Variants in KNL1 observed in about 807,000 individuals in gnomAD.
KNL1 encodes kinetochore scaffold 1.
Under a neutral mutation model 201.3 loss-of-function variants are expected in KNL1, and 66 were observed. That is an observed-to-expected ratio of 0.33 (90% confidence interval 0.27 to 0.40). The LOEUF is 0.40. Ranked by LOEUF, KNL1 falls within the 10% of genes least tolerant of loss-of-function variation. KNL1 has a pLI of 1.00. For synonymous variants in KNL1, 895 were observed against 899.2 expected (o/e 1.00, Z 0.08); for missense variants, 2,815 against 2,690.5 (o/e 1.05, Z -1.02).
At chr15:40,601,676 C>A (rs1891795093) in intron 1 of KNL1, among the ~76,000 whole-genome samples, 2 of 151,292 alleles carry the variant, frequency 1.3e-5, no homozygotes. Context: ...AAAAAATTAG[C>A]CGGGCGCGGT....
intron 1 of KNL1, among the ~76,000 whole-genome samples, chr15:40,600,013 C>T (rs144822818): frequency 2.0e-5 from 3 of 151,304 alleles, no homozygotes; most frequent in East Asian, 1.9e-4. Context: ...CCAACATGAC[C>T]GTGATATATT....
At chr15:40,610,835 T>C (rs1424636628) in intron 6 of KNL1, 1 of 455,092 alleles carries the variant, frequency 2.2e-6, no homozygotes, top group Admixed American at 2.4e-5. Context: ...CTGCAACTTC[T>C]GCCTCCTGGG....
At chr15:40,634,434 G>A (rs1344751735) in intron 13 of KNL1, among the ~76,000 whole-genome samples, 2 of 152,178 alleles carry the variant, frequency 1.3e-5, no homozygotes, top group African/African-American at 4.8e-5. Context: ...TCGTTTAATT[G>A]TATACTTAAA....
intron 13 of KNL1, among the ~76,000 whole-genome samples, chr15:40,632,116 T>G (rs1444440069): frequency 6.6e-6 from 1 of 151,208 alleles, no homozygotes; most frequent in Non-Finnish European, 1.5e-5. Flanking sequence ...CTGCGCACAG[T>G]GGCTGGTGTC....
intron 1 of KNL1, among the ~76,000 whole-genome samples, chr15:40,597,323 C>T (rs1326313791): frequency 6.6e-6 from 1 of 152,140 alleles, no homozygotes; most frequent in East Asian, 1.9e-4. Context: ...GGTGCCATCT[C>T]AGTTCACTGC....
intron 1 of KNL1, among the ~76,000 whole-genome samples, chr15:40,601,707 G>A (rs907675796): frequency 2.8e-4 from 42 of 151,084 alleles, no homozygotes; most frequent in African/African-American, 8.2e-4. Flanking sequence ...TGTAGTCCCA[G>A]CTACTCGGGA....
intron 7 of KNL1, among the ~76,000 whole-genome samples, chr15:40,614,095 GC>G (rs1457154935): frequency 7.5e-6 from 1 of 133,108 alleles, no homozygotes; most frequent in African/African-American, 2.8e-5. Flanking sequence ...ACCACGCCTG[GC>G]CCCCCTTTTT....
intron 1 of KNL1, among the ~76,000 whole-genome samples, chr15:40,598,476 TGAG>T: frequency 6.6e-6 from 1 of 151,928 alleles, no homozygotes; most frequent in South Asian, 2.1e-4. Flanking sequence ...TCAAGAGGCT[TGAG>T]GATTACTTGA....
At chr15:40,638,781 C>T (rs1893133574) in intron 13 of KNL1, among the ~76,000 whole-genome samples, 1 of 151,752 alleles carries the variant, frequency 6.6e-6, no homozygotes, top group African/African-American at 2.4e-5. Flanking sequence ...GCGTGAGCCA[C>T]CGCGCTGGCT....
At chr15:40,650,657 G>T in intron 19 of KNL1, 74 bp downstream of exon 19, 1 of 1,330,040 alleles carries the variant, frequency 7.5e-7, no homozygotes, top group Non-Finnish European at 1.0e-6. Context: ...TGCCTCCAGA[G>T]ACTGACAGGA....
Position 40,624,197 on chromosome 15 carries a change from T to C in KNL1, c.3933T>C (p.Cys1311=). Residue 1311 remains cysteine, a synonymous_variant, in exon 10 of 26, where the codon TGT becomes TGC. Transcript: ENST00000399668. The part of the protein sequence containing the change: ...NYSCLPNVIS[C]TDNLEGSAML... ...CCTGTTTACCAAATGTTATTTCCTG[T>C]ACTGATAATTTGGAGGGTAGTGCCA... The C allele has an allele frequency of 6.2e-7, 1 of 1,613,960 alleles. No homozygotes were observed. The highest frequency in any genetic ancestry group is 8.5e-7 in the Non-Finnish European group (1 of 1,179,924).
chr15:40,612,303 G>A lies in KNL1; in HGVS notation c.284+792G>A, dbSNP rs937571653. ...TGCACTCCAGCCTGGGCGACAGAGCGAGACTCCGTCTCAAAAAAACAAAAA... is the reference window on the plus strand; with the variant it reads ...TGCACTCCAGCCTGGGCGACAGAGCAAGACTCCGTCTCAAAAAAACAAAAA... On this transcript the variant is annotated intron_variant, in intron 7 of 25. Transcript: ENST00000399668. 4.6e-5 allele frequency among the ~76,000 whole-genome samples: 7 copies of A among 151,790 alleles called. No individual in the cohort carries two copies. In the East Asian group the frequency reaches 1.2e-3, roughly 26 times the overall value.
intron 22 of KNL1, among the ~76,000 whole-genome samples, chr15:40,655,811 G>T (rs1893712196): frequency 6.6e-6 from 1 of 151,436 alleles, no homozygotes; most frequent in African/African-American, 2.4e-5. Flanking sequence ...AGCTACTTGG[G>T]AGGCTGAGGC....
intron 16 of KNL1, 78 bp downstream of exon 16, chr15:40,645,850 C>A: frequency 1.3e-6 from 1 of 750,372 alleles, no homozygotes; most frequent in Non-Finnish European, 2.0e-6. Context: ...TATGAAGAAT[C>A]TTCCTTAGAA....
chr15:40,637,285 G>C (rs1376647441), intron 13 of KNL1, among the ~76,000 whole-genome samples: 2 of 146,164 alleles, frequency 1.4e-5, no homozygotes, highest in Non-Finnish European at 3.0e-5. Context: ...CCACAGTCCA[G>C]ATGTTGCTAA....
At chr15:40,630,333 A>T (rs997704486) in intron 13 of KNL1, among the ~76,000 whole-genome samples, 6 of 152,032 alleles carry the variant, frequency 3.9e-5, no homozygotes, top group East Asian at 1.9e-4. Flanking sequence ...TAAATTTTTT[A>T]AAATGGAGGT....
chr15:40,631,176 T>C (rs1356167241), intron 13 of KNL1, among the ~76,000 whole-genome samples: 1 of 152,006 alleles, frequency 6.6e-6, no homozygotes, highest in Non-Finnish European at 1.5e-5. Context: ...TCACAATAAA[T>C]GTGCTTGAAT....
At chr15:40,645,384 T>C (rs574668074) in intron 15 of KNL1, among the ~76,000 whole-genome samples, 28 of 152,352 alleles carry the variant, frequency 1.8e-4, no homozygotes, top group African/African-American at 6.3e-4. Context: ...ATTGATTAAA[T>C]AGCAAGCAAC....
In KNL1 at chr15:40,621,023, T is replaced by A. The variant is rs752929040; in HGVS notation, c.759T>A (p.Ser253=). Residue 253 remains serine, a synonymous_variant, in exon 10 of 26, where the codon TCT becomes TCA. Coordinates refer to ENST00000399668, the MANE Select transcript of KNL1 (RefSeq NM_144508.5). ...IYSKEPNSAS[S]THQMHVSLKE... Reference sequence around the variant, plus strand: ...CCAAGGAACCGAACAGTGCCTCTTCTACACATCAAATGCATGTATCTCTTA... The same window carrying A: ...CCAAGGAACCGAACAGTGCCTCTTCAACACATCAAATGCATGTATCTCTTA... The A allele has an allele frequency of 2.5e-6, 4 of 1,606,984 alleles. No homozygotes were observed. The highest frequency in any genetic ancestry group is 3.4e-6 in the Non-Finnish European group (4 of 1,177,200).
Sources: allele counts gnomAD v4.1 joint callset (sites outside exome capture counted in the v4.1 genomes callset), GRCh38; gene constraint gnomAD v4.1.1; transcripts MANE v1.5; gene names NCBI Gene and HGNC (gene_info 2026-07-23, HGNC 2026-07-21).